PSAT1: variants seen among roughly 807,000 people sequenced by gnomAD.
PSAT1 encodes phosphoserine aminotransferase.
Under a neutral mutation model 40.3 loss-of-function variants are expected in PSAT1, and 41 were observed. The observed-to-expected ratio is 1.02, with a 90% confidence interval of 0.79 to 1.32. The LOEUF is 1.32. Among genes scored for constraint, PSAT1 ranks in the 40% most tolerant of loss-of-function variants. PSAT1 has a pLI of 0.00. For missense variants in PSAT1, 406 were observed against 455.8 expected (o/e 0.89, Z 0.99); for synonymous variants, 147 against 170.5 (o/e 0.86, Z 1.07).
In PSAT1 at chr9:78,304,990, C is replaced by T. The variant is rs536714260; in HGVS notation, c.397+50C>T. 118 of 1,553,150 alleles carry T rather than the reference C, an allele frequency of 7.6e-5. No homozygotes were observed. The South Asian group carries it at 1.2e-3, about 16-fold the overall frequency. On this transcript the variant is annotated intron_variant, in intron 4 of 8. Transcript: ENST00000376588. ...TGGTGACGTGCTCAATGGTGGGTTA[C>T]CCCGACCCAGGGCAATCTGTAGTTT...
Position 78,329,216 on chromosome 9 carries a change from TGAAA to T in PSAT1, c.*134_*137del. 1 of 724,630 alleles carries T rather than the reference TGAAA, an allele frequency of 1.4e-6. No individual in the cohort carries two copies. Among genetic ancestry groups the T allele is most frequent in the Non-Finnish European group, 2.4e-6 (1 of 411,024 alleles). The allele number at this position is 724,630 out of a possible 1,614,324, so 44.9% of individuals were successfully genotyped here. ...ATGTTTATTGCAGATTCTTCTTTTT[TGAAA>T]GAACAACAGCAAAACATCCACAACT... is the stretch of plus-strand genomic sequence containing the variant. On this transcript the variant is annotated 3_prime_UTR_variant, in exon 9 of 9. Coordinates refer to ENST00000376588, the MANE Select transcript of PSAT1 (RefSeq NM_058179.4).
Position 78,303,325 on chromosome 9 carries a change from C to T in PSAT1, c.191+1302C>T, listed in dbSNP as rs937730217. The stretch of plus-strand genomic sequence containing the variant: ...TGGTAGCCATCTGCTTGGCTTCTCT[C>T]GTCCATTGGCCTGCTGAGTATCATG... On this transcript the variant is annotated intron_variant, in intron 3 of 8. Transcript: ENST00000376588. Among the ~76,000 whole-genome samples, 11 of 152,302 alleles carry T rather than the reference C, an allele frequency of 7.2e-5. No homozygotes were observed. The East Asian group carries it at 1.5e-3, about 21-fold the overall frequency.
At chr9:78,309,944 G>T (rs950163406) in intron 6 of PSAT1, among the ~76,000 whole-genome samples, 1 of 152,136 alleles carries the variant, frequency 6.6e-6, no homozygotes, top group Non-Finnish European at 1.5e-5. Flanking sequence ...CTTTCACTGG[G>T]TTGCTGTGAA....
chr9:78,326,423 G>A (rs189007468), intron 7 of PSAT1, among the ~76,000 whole-genome samples: 1 of 152,188 alleles, frequency 6.6e-6, no homozygotes. Flanking sequence ...AGCAGAAACT[G>A]AAGTCAAACA....
At chr9:78,301,837 T>C in intron 2 of PSAT1, 117 bp from the exon 3 acceptor site, 1 of 800,176 alleles carries the variant, frequency 1.2e-6, no homozygotes, top group South Asian at 1.4e-5. Context: ...ACAATTTGAA[T>C]GCAGAATAAC....
intron 8 of PSAT1, 36 bp downstream of exon 8, chr9:78,328,224 A>G: frequency 6.2e-7 from 1 of 1,613,642 alleles, no homozygotes; most frequent in Non-Finnish European, 8.5e-7. Context: ...TTGGCAAAGA[A>G]TTAGCTTAGT....
intron 8 of PSAT1, among the ~76,000 whole-genome samples, chr9:78,328,610 GTCCTCACATGAGA>G (rs1162697435): frequency 1.8e-5 from 1 of 54,900 alleles, no homozygotes; most frequent in African/African-American, 2.8e-4. Flanking sequence ...AGCAGGGAAT[GTCCTCACATGAGA>G]ATAGCCCAGC....
chr9:78,311,335 C>T (rs939379638), intron 6 of PSAT1, among the ~76,000 whole-genome samples: 2 of 152,064 alleles, frequency 1.3e-5, no homozygotes, highest in South Asian at 4.1e-4. Flanking sequence ...TGCCTTGCAG[C>T]TAGAGGAGGC....
intron 2 of PSAT1, 22 bp from the exon 3 acceptor site, chr9:78,301,932 T>C (rs938793992): frequency 1.9e-6 from 3 of 1,567,888 alleles, no homozygotes; most frequent in Non-Finnish European, 2.6e-6. Flanking sequence ...TTTGTTATTG[T>C]TGTTTATCTT....
At chr9:78,316,612 A>G (rs1401659394) in intron 6 of PSAT1, among the ~76,000 whole-genome samples, 3 of 152,164 alleles carry the variant, frequency 2.0e-5, no homozygotes, top group Non-Finnish European at 4.4e-5. Context: ...GCCTTGCTGG[A>G]CCTGCATACT....
At chr9:78,301,828 C>CA in intron 2 of PSAT1, 126 bp from the exon 3 acceptor site, 1 of 770,360 alleles carries the variant, frequency 1.3e-6, no homozygotes, top group Non-Finnish European at 2.3e-6. Flanking sequence ...CCTTGGCCCA[C>CA]AATTTGAATG....
rs944681946 is a variant in PSAT1 at position 78,328,897 on chromosome 9, T to C, written c.1008-84T>C. Reference sequence around the variant, plus strand: ...ATGATGGTCTCAGGTGCTGCAACTCTCAGGAGCCAGTGGCTAGAAAAAGGT... The same window carrying C: ...ATGATGGTCTCAGGTGCTGCAACTCCCAGGAGCCAGTGGCTAGAAAAAGGT... On this transcript the variant is annotated intron_variant, in intron 8 of 8. Transcript: ENST00000376588. The C allele has an allele frequency of 1.1e-5, 12 of 1,083,562 alleles. No individual in the cohort carries two copies. In the Admixed American group the frequency reaches 2.1e-4, roughly 19 times the overall value. The allele number at this position is 1,083,562 out of a possible 1,614,324, so 67.1% of individuals were successfully genotyped here.
At chr9:78,314,289 G>A (rs1828308500) in intron 6 of PSAT1, among the ~76,000 whole-genome samples, 1 of 142,960 alleles carries the variant, frequency 7.0e-6, no homozygotes, top group African/African-American at 2.6e-5. Flanking sequence ...GGGAGGGGAG[G>A]CAGGACCTCC....
At chr9:78,323,241 G>A (rs574968323) in intron 7 of PSAT1, among the ~76,000 whole-genome samples, 1 of 152,172 alleles carries the variant, frequency 6.6e-6, no homozygotes, top group Non-Finnish European at 1.5e-5. Flanking sequence ...AGGAGCAAGA[G>A]CAAGTGTAGG....
In PSAT1 at chr9:78,314,820, G is replaced by A. The variant is rs377323512; in HGVS notation, c.741-2856G>A. 1.0e-3 allele frequency among the ~76,000 whole-genome samples: 156 copies of A among 151,958 alleles called. 1 individual carries two copies. The highest frequency in any genetic ancestry group is 3.6e-3 in the African/African-American group (150 of 41,472). On this transcript the variant is annotated intron_variant, in intron 6 of 8. Transcript: ENST00000376588. Reference sequence around the variant, plus strand: ...TGGGCCTTGCTGCACTTTGGATTTAGACAAACCAAATCCACAGTGCAGCAA... The same window carrying A: ...TGGGCCTTGCTGCACTTTGGATTTAAACAAACCAAATCCACAGTGCAGCAA...
intron 4 of PSAT1, among the ~76,000 whole-genome samples, chr9:78,305,819 T>C (rs1359193013): frequency 2.6e-5 from 4 of 152,202 alleles, no homozygotes; most frequent in African/African-American, 4.8e-5. Flanking sequence ...CATCAATGGA[T>C]GTAGGATAGA....
In PSAT1 at chr9:78,297,271, G is replaced by A; in HGVS notation, c.60+1G>A. ...TGGTCCCGCCAAGCTGCCGCACTCA[G>A]TAAGTCCCCGCGAGCGGGCGCCGGG... On this transcript the variant is annotated splice_donor_variant, in intron 1 of 8. Transcript: ENST00000376588. LOFTEE classifies it high-confidence loss of function. 1 of 1,599,384 alleles carries A rather than the reference G, an allele frequency of 6.3e-7. No individual in the cohort carries two copies. The highest frequency in any genetic ancestry group is 8.5e-7 in the Non-Finnish European group (1 of 1,177,834).
rs587777777 is a variant in PSAT1, at chr9:78,306,452, C to T, written c.536C>T (p.Ser179Leu). Reference protein sequence around the residue: ...KGAVLVCDMSSNFLSKPVDVS... With the variant: ...KGAVLVCDMSLNFLSKPVDVS... ...GCAGTACTGGTTTGTGACATGTCCT[C>T]AAACTTCCTGTCCAAGCCAGTGGAT... The change falls in exon 5 of 9, where the codon TCA (serine) becomes TTA (leucine). Residue 179 changes from serine (S) to leucine (L), a missense_variant. Physicochemically the swap from Ser to Leu is moderately radical, Grantham distance 145. Transcript: ENST00000376588. 6.2e-7 allele frequency: 1 copy of T among 1,614,178 alleles called. No homozygotes were observed. Among genetic ancestry groups the T allele is most frequent in the South Asian group, 1.1e-5 (1 of 91,074 alleles).
At chr9:78,317,649 C>T (rs370384166) in intron 6 of PSAT1, 27 bp from the exon 7 acceptor site, 10 of 1,611,460 alleles carry the variant, frequency 6.2e-6, no homozygotes, top group African/African-American at 1.3e-5. Flanking sequence ...ATGAGCTAAA[C>T]GGATTTTTTA....
Sources: gnomAD v4.1 joint callset for allele counts (sites outside exome capture counted in the v4.1 genomes callset) on GRCh38, gnomAD v4.1.1 for gene constraint, MANE v1.5 for transcripts, NCBI Gene and HGNC (gene_info 2026-07-23, HGNC 2026-07-21) for gene names.